INPP4B: variants seen among roughly 807,000 people sequenced by gnomAD.
The protein encoded by INPP4B is inositol polyphosphate-4-phosphatase type II B.
In INPP4B, 55 loss-of-function variants were observed where a neutral mutation model predicts 122.5. The ratio of observed to expected loss-of-function variants is 0.45; its 90% CI spans 0.36 to 0.56. The LOEUF (loss-of-function observed/expected upper bound fraction) is 0.56. Among genes scored for constraint, INPP4B ranks in the 20% least tolerant of loss-of-function variants. The pLI is 0.00. For missense variants in INPP4B, 1,000 were observed against 1,097.7 expected (o/e 0.91, Z 1.26); for synonymous variants, 403 against 388.7 (o/e 1.04, Z -0.43).
intron 1 of INPP4B, among the ~76,000 whole-genome samples, chr4:142,842,049 T>C (rs1783562932): frequency 6.6e-6 from 1 of 151,868 alleles, no homozygotes; most frequent in African/African-American, 2.4e-5. Flanking sequence ...GATGTTGCCT[T>C]CATTCCCTTG....
chr4:142,677,377 G>T (rs565330056), intron 2 of INPP4B, among the ~76,000 whole-genome samples: 1 of 151,962 alleles, frequency 6.6e-6, no homozygotes, highest in Admixed American at 6.6e-5. Flanking sequence ...AAATAGGAAC[G>T]CTTTTATACT....
chr4:142,719,254 T>C (rs1005697523), intron 2 of INPP4B, among the ~76,000 whole-genome samples: 3 of 152,176 alleles, frequency 2.0e-5, no homozygotes, highest in African/African-American at 4.8e-5. Flanking sequence ...CCTAACCTTA[T>C]AAAAAATTAA....
chr4:142,417,467 T>G (rs1806008965), intron 5 of INPP4B, among the ~76,000 whole-genome samples: 1 of 152,102 alleles, frequency 6.6e-6, no homozygotes. Flanking sequence ...ACTTAGTGCT[T>G]GTGTGGATCC....
At chr4:142,516,199 C>G (rs960742964) in intron 2 of INPP4B, among the ~76,000 whole-genome samples, 3 of 152,098 alleles carry the variant, frequency 2.0e-5, no homozygotes. Flanking sequence ...GATCTCAATT[C>G]TATTACTGCA....
rs535950181 is a variant in INPP4B at position 142,397,630 on chromosome 4, G to C, written c.372+5308C>G. ...CGAAGCGGACGGATCACGAGGTCAG[G>C]AGATGAGACCATCCTGGCCAACACG... On this transcript the variant is annotated intron_variant, in intron 7 of 25. Transcript: ENST00000262992. Among the ~76,000 whole-genome samples, 3 of 152,110 alleles carry C rather than the reference G, an allele frequency of 2.0e-5. No individual in the cohort carries two copies. In the East Asian group the frequency reaches 5.8e-4, roughly 30 times the overall value.
intron 2 of INPP4B, among the ~76,000 whole-genome samples, chr4:142,624,222 C>T (rs186921633): frequency 1.1e-4 from 16 of 152,012 alleles, no homozygotes; most frequent in South Asian, 2.1e-4. Context: ...CATCCTCTCC[C>T]GCACCTGTTG....
At chr4:142,265,457 G>T (rs1373477016) in intron 10 of INPP4B, among the ~76,000 whole-genome samples, 1 of 152,078 alleles carries the variant, frequency 6.6e-6, no homozygotes, top group Admixed American at 6.6e-5. Flanking sequence ...ATTTTCTATG[G>T]ATTTTTATTT....
intron 5 of INPP4B, among the ~76,000 whole-genome samples, chr4:142,421,730 C>T (rs1242040890): frequency 6.6e-6 from 1 of 152,090 alleles, no homozygotes; most frequent in Non-Finnish European, 1.5e-5. Context: ...CCTAAACCAA[C>T]TGAAATCCTG....
At chr4:142,356,888 A>G (rs1478866310) in intron 7 of INPP4B, among the ~76,000 whole-genome samples, 2 of 151,882 alleles carry the variant, frequency 1.3e-5, no homozygotes, top group African/African-American at 4.8e-5. Context: ...GAGGGATTAC[A>G]CATTGAGTTA....
At chr4:142,726,833 T>A (rs186316831) in intron 1 of INPP4B, among the ~76,000 whole-genome samples, 190 of 152,300 alleles carry the variant, frequency 1.2e-3, no homozygotes, top group Non-Finnish European at 2.3e-3. Context: ...TCATTTTTCA[T>A]CTGTAATATG....
At chr4:142,542,797 C>T (rs1829093506) in intron 2 of INPP4B, among the ~76,000 whole-genome samples, 1 of 152,106 alleles carries the variant, frequency 6.6e-6, no homozygotes, top group Admixed American at 6.6e-5. Flanking sequence ...AGATTGTCAT[C>T]TCCTAATACT....
intron 17 of INPP4B, among the ~76,000 whole-genome samples, chr4:142,148,103 C>T (rs924050151): frequency 3.3e-5 from 5 of 152,134 alleles, no homozygotes; most frequent in Admixed American, 3.3e-4. Flanking sequence ...AAACAACTCT[C>T]CAGCTAAAAC....
chr4:142,456,576 C>T (rs797004158), intron 3 of INPP4B, among the ~76,000 whole-genome samples: 16 of 151,930 alleles, frequency 1.1e-4, no homozygotes, highest in African/African-American at 3.4e-4. Flanking sequence ...TCCAGTTTTG[C>T]TCTTTATGTT....
intron 25 of INPP4B, 119 bp from the exon 26 acceptor site, chr4:142,029,033 A>C (rs1738028757): frequency 2.3e-6 from 3 of 1,324,986 alleles, no homozygotes; most frequent in Non-Finnish European, 2.9e-6. Flanking sequence ...TCAACTCTAC[A>C]TTTTTTTTTT....
intron 7 of INPP4B, among the ~76,000 whole-genome samples, chr4:142,374,245 T>C (rs1791008505): frequency 6.6e-6 from 1 of 151,970 alleles, no homozygotes; most frequent in Admixed American, 6.6e-5. Flanking sequence ...ATTAATTGTG[T>C]TGAAGTCTGG....
chr4:142,169,572 A>G (rs1310904142), intron 16 of INPP4B, among the ~76,000 whole-genome samples: 7 of 151,678 alleles, frequency 4.6e-5, no homozygotes, highest in African/African-American at 1.7e-4. Flanking sequence ...ATGTTTCAGA[A>G]TACAATAGTT....
intron 21 of INPP4B, among the ~76,000 whole-genome samples, chr4:142,121,405 G>A (rs927473378): frequency 6.6e-6 from 1 of 152,010 alleles, no homozygotes; most frequent in South Asian, 2.1e-4. Flanking sequence ...CCTTTTGTAT[G>A]TTCATATGTT....
At chr4:142,246,219 T>C (rs1386719343) in intron 11 of INPP4B, among the ~76,000 whole-genome samples, 1 of 151,926 alleles carries the variant, frequency 6.6e-6, no homozygotes. Flanking sequence ...TGAAGTCAGG[T>C]AGCATGATGC....
At chr4:142,766,668 T>TAAA (rs1772194577) in intron 1 of INPP4B, 1 of 152,032 alleles carries the variant, frequency 6.6e-6, no homozygotes, top group African/African-American at 2.4e-5. Context: ...TGAACCTTTA[T>TAAA]GCCCAGCCAT....
Sources: allele counts gnomAD v4.1 joint callset (sites outside exome capture counted in the v4.1 genomes callset), GRCh38; gene constraint gnomAD v4.1.1; transcripts MANE v1.5; gene names NCBI Gene and HGNC (gene_info 2026-07-23, HGNC 2026-07-21).